The following WDPCP variants were observed in gnomAD, a reference collection of about 807,000 sequenced individuals.
WDPCP encodes WD repeat-containing and planar cell polarity effector protein fritz homolog.
Under a neutral mutation model 93.1 loss-of-function variants are expected in WDPCP, and 71 were observed. That is an observed-to-expected ratio of 0.76 (90% CI 0.63 to 0.93). The LOEUF (loss-of-function observed/expected upper bound fraction) is 0.93. Among genes scored for constraint, WDPCP ranks in the 40% least tolerant of loss-of-function variants. The pLI, the probability that WDPCP is intolerant of heterozygous loss-of-function variation, is 0.00. For missense variants in WDPCP, 844 were observed against 887.4 expected (o/e 0.95, Z 0.62); for synonymous variants, 315 against 315.0 (o/e 1.00, Z 0.00).
At chr2:63,705,552 T>G (rs558612622) in intron 2 of WDPCP, among the ~76,000 whole-genome samples, 1 of 152,246 alleles carries the variant, frequency 6.6e-6, no homozygotes. Flanking sequence ...CATTTCGTTA[T>G]GTACCAAGTA....
At chr2:63,577,434 T>C (rs1249857193) in intron 1 of WDPCP, among the ~76,000 whole-genome samples, 2 of 152,204 alleles carry the variant, frequency 1.3e-5, no homozygotes, top group African/African-American at 2.4e-5. Context: ...CTTTATGTTC[T>C]CTAGAAAAGA....
intron 10 of WDPCP, among the ~76,000 whole-genome samples, chr2:63,393,493 AT>A (rs1416481948): frequency 6.6e-6 from 1 of 152,132 alleles, no homozygotes; most frequent in African/African-American, 2.4e-5. Context: ...TCAAACCTGC[AT>A]GTTGTGCACA....
chr2:63,379,428 G>A (rs1049225229), intron 11 of WDPCP, among the ~76,000 whole-genome samples: 1 of 152,068 alleles, frequency 6.6e-6, no homozygotes, highest in Non-Finnish European at 1.5e-5. Context: ...TGGCTAAGCT[G>A]TTAGTAATTT....
intron 1 of WDPCP, among the ~76,000 whole-genome samples, chr2:63,524,129 GA>G (rs1703146508): frequency 6.6e-6 from 1 of 152,000 alleles, no homozygotes; most frequent in South Asian, 2.1e-4. Flanking sequence ...ACAAACAAAT[GA>G]AAAAATATTC....
At chr2:63,695,821 T>G (rs1668953594) in intron 2 of WDPCP, among the ~76,000 whole-genome samples, 1 of 152,148 alleles carries the variant, frequency 6.6e-6, no homozygotes, top group South Asian at 2.1e-4. Context: ...ACCTTTCCAC[T>G]AAGGGTAATC....
At chr2:63,471,137 T>A (rs1423792691) in intron 6 of WDPCP, among the ~76,000 whole-genome samples, 1 of 152,232 alleles carries the variant, frequency 6.6e-6, no homozygotes, top group Non-Finnish European at 1.5e-5. Flanking sequence ...TCTGTCCTCT[T>A]TTAGAACATA....
At chr2:63,739,758 TTAA>T (rs1669687843) in intron 2 of WDPCP, among the ~76,000 whole-genome samples, 1 of 152,066 alleles carries the variant, frequency 6.6e-6, no homozygotes, top group Non-Finnish European at 1.5e-5. Flanking sequence ...TTTACTTTTA[TTAA>T]TAATAGCCAT....
At chr2:63,588,854 G>A (rs1177792880), upstream of WDPCP, 2 of 682,046 alleles carry the variant, frequency 2.9e-6, no homozygotes, top group South Asian at 1.7e-5. Flanking sequence ...AACACTTGAA[G>A]GAAATGCTTT....
intron 10 of WDPCP, among the ~76,000 whole-genome samples, chr2:63,402,519 G>A (rs1694233523): frequency 6.6e-6 from 1 of 152,160 alleles, no homozygotes; most frequent in Non-Finnish European, 1.5e-5. Flanking sequence ...CAAAGGACAT[G>A]AACAGACACT....
At chr2:63,530,527 A>C (rs1306836031) in intron 1 of WDPCP, among the ~76,000 whole-genome samples, 1 of 152,156 alleles carries the variant, frequency 6.6e-6, no homozygotes, top group East Asian at 1.9e-4. Context: ...CTGTATGTAC[A>C]TGTGTTATCT....
intron 12 of WDPCP, among the ~76,000 whole-genome samples, chr2:63,338,551 TAAAAAAAAAAAA>T (rs373990599): frequency 4.0e-5 from 1 of 25,096 alleles, no homozygotes; most frequent in African/African-American, 2.0e-4. Flanking sequence ...AAACTCCATC[TAAAAAAAAAAAA>T]AAAAAAATAT....
chr2:63,662,359 C>T (rs1051212749), intron 2 of WDPCP, among the ~76,000 whole-genome samples: 2 of 152,148 alleles, frequency 1.3e-5, no homozygotes, highest in African/African-American at 4.8e-5. Context: ...ACGTTTACCA[C>T]ATGGTCTGTT....
intron 1 of WDPCP, among the ~76,000 whole-genome samples, chr2:63,522,473 C>CACACACACACAA (rs1703013580): frequency 6.6e-6 from 1 of 151,190 alleles, no homozygotes. Flanking sequence ...CACACACACA[C>CACACACACACAA]ACACACACAC....
chr2:63,575,297 G>C (rs1048858009), intron 1 of WDPCP, among the ~76,000 whole-genome samples: 1 of 144,538 alleles, frequency 6.9e-6, no homozygotes, highest in South Asian at 2.1e-4. Context: ...TATATAGTAT[G>C]TATATATATA....
intron 2 of WDPCP, among the ~76,000 whole-genome samples, chr2:63,765,208 C>T (rs139447986): frequency 0.012 from 1,865 of 152,254 alleles, 15 homozygotes; most frequent in Non-Finnish European, 0.015. Context: ...AGAACTCTAA[C>T]CCAGTCTGGA....
intron 14 of WDPCP, among the ~76,000 whole-genome samples, chr2:63,228,188 A>G (rs1438555942): frequency 1.3e-5 from 2 of 151,992 alleles, no homozygotes; most frequent in African/African-American, 4.8e-5. Flanking sequence ...CCAATTTTTA[A>G]AAGATTCAAA....
At chr2:63,472,449 A>G (rs1228655696) in intron 6 of WDPCP, among the ~76,000 whole-genome samples, 1 of 151,816 alleles carries the variant, frequency 6.6e-6, no homozygotes, top group Non-Finnish European at 1.5e-5. Flanking sequence ...CCTTTGGTTC[A>G]TTATCATGTC....
rs192470270 is a variant in WDPCP at position 63,219,078 on chromosome 2, G to A, written c.1915+40229C>T. Among the ~76,000 whole-genome samples, 180 of 152,226 alleles carry A rather than the reference G, an allele frequency of 1.2e-3. 2 individuals carry two copies. Among genetic ancestry groups the A allele is most frequent in the Non-Finnish European group, 2.1e-3 (144 of 68,026 alleles). ...TATACAATTTACATGTATGCATAGTGTCATAAATCTTTGCAATGCTCTTTA... is the reference window on the plus strand; with the variant it reads ...TATACAATTTACATGTATGCATAGTATCATAAATCTTTGCAATGCTCTTTA... On this transcript the variant is annotated intron_variant, in intron 14 of 17. Transcript: ENST00000272321.
At chr2:63,130,619 G>A (rs935052102) in intron 17 of WDPCP, among the ~76,000 whole-genome samples, 7 of 151,632 alleles carry the variant, frequency 4.6e-5, no homozygotes, top group Admixed American at 1.3e-4. Context: ...ATTAATTTAA[G>A]GATGAGTATT....
Sources: allele counts gnomAD v4.1 joint callset (sites outside exome capture counted in the v4.1 genomes callset), GRCh38; gene constraint gnomAD v4.1.1; transcripts MANE v1.5; gene names NCBI Gene and HGNC (gene_info 2026-07-23, HGNC 2026-07-21).